PTPRG: variants seen among roughly 807,000 people sequenced by gnomAD.
PTPRG encodes the protein protein tyrosine phosphatase receptor type G.
PTPRG carries 102 observed loss-of-function variants against 165.3 expected under a neutral mutation model. That is an observed-to-expected ratio of 0.62 (90% CI 0.53 to 0.73). The LOEUF (loss-of-function observed/expected upper bound fraction) is 0.73, where lower values mean the gene tolerates loss of function less well. Ranked by LOEUF, PTPRG falls within the 30% of genes least tolerant of loss-of-function variation. PTPRG has a pLI of 0.00. For missense variants in PTPRG, 1,866 were observed against 1,861.4 expected, an observed-to-expected ratio of 1.00 and a Z score of -0.05; for synonymous variants, 675 against 669.5, an observed-to-expected ratio of 1.01 and a Z score of -0.13.
intron 6 of PTPRG, among the ~76,000 whole-genome samples, chr3:62,136,813 C>A (rs1703725829): frequency 6.6e-6 from 1 of 152,208 alleles, no homozygotes; most frequent in Non-Finnish European, 1.5e-5. Flanking sequence ...TCCCCAGTCA[C>A]GTGGAACTGT....
At chr3:61,802,182 T>G (rs764879998) in intron 2 of PTPRG, among the ~76,000 whole-genome samples, 29 of 152,094 alleles carry the variant, frequency 1.9e-4, no homozygotes, top group Non-Finnish European at 3.5e-4. Context: ...AAATGGAAAT[T>G]ATCAGTAATA....
rs538781598 is a variant in PTPRG at position 61,623,114 on chromosome 3, C to T, written c.85+60742C>T. Among the ~76,000 whole-genome samples the T allele has an allele frequency of 3.6e-4, 55 of 152,252 alleles. 1 individual carries two copies. In the South Asian group the frequency reaches 5.6e-3, roughly 16 times the overall value. ...AAACAATAGAATGGATTATGACTGA[C>T]ATGAGCCAACACTTGGATTTGGAAG... On this transcript the variant is annotated intron_variant, in intron 1 of 29. Coordinates refer to ENST00000474889, the MANE Select transcript of PTPRG (RefSeq NM_002841.4).
chr3:61,989,569 C>A, intron 2 of PTPRG, 56 bp from the exon 3 acceptor site: 1 of 1,524,488 alleles, frequency 6.6e-7, no homozygotes, highest in South Asian at 1.3e-5. Flanking sequence ...AAGATTTATT[C>A]ATTTCATCCC....
chr3:61,897,358 T>A (rs1157771557), intron 2 of PTPRG, among the ~76,000 whole-genome samples: 1 of 152,146 alleles, frequency 6.6e-6, no homozygotes, highest in Non-Finnish European at 1.5e-5. Context: ...AGGGTATTCT[T>A]CCATTAATTT....
intron 2 of PTPRG, among the ~76,000 whole-genome samples, chr3:61,936,866 A>C (rs1442427750): frequency 6.6e-6 from 1 of 152,244 alleles, no homozygotes; most frequent in Non-Finnish European, 1.5e-5. Context: ...CTGCGAAAAC[A>C]TCCCCTTATA....
chr3:61,884,764 G>A (rs548118617), intron 2 of PTPRG, among the ~76,000 whole-genome samples: 2 of 152,192 alleles, frequency 1.3e-5, no homozygotes, highest in South Asian at 2.1e-4. Context: ...CAAGGGCCTC[G>A]TCTCTTCTTG....
chr3:62,105,295 T>C lies in PTPRG; in HGVS notation c.615+27037T>C, dbSNP rs79152203. Among the ~76,000 whole-genome samples the C allele has an allele frequency of 6.4e-4, 98 of 152,332 alleles. 1 individual carries two copies. The highest frequency in any genetic ancestry group is 2.2e-3 in the African/African-American group (92 of 41,584). ...TAGCAGGAGTAGCCAAATAGCTATA[T>C]TAATGTTCTGGTGTGTGATCTGAGT... On this transcript the variant is annotated intron_variant, in intron 5 of 29. Transcript: ENST00000474889.
At chr3:61,632,412 AG>A (rs1701794650) in intron 1 of PTPRG, among the ~76,000 whole-genome samples, 1 of 152,234 alleles carries the variant, frequency 6.6e-6, no homozygotes, top group Non-Finnish European at 1.5e-5. Context: ...TGAGTATGAA[AG>A]CAGGTTGACA....
At chr3:62,231,824 T>A (rs1700909350) in intron 14 of PTPRG, among the ~76,000 whole-genome samples, 2 of 149,484 alleles carry the variant, frequency 1.3e-5, no homozygotes. Flanking sequence ...GTGAAGTTGT[T>A]TTTTTTTTTT....
chr3:62,017,589 G>GTA (rs1400248457), intron 4 of PTPRG, among the ~76,000 whole-genome samples: 2 of 73,468 alleles, frequency 2.7e-5, no homozygotes, highest in African/African-American at 4.3e-5. Flanking sequence ...CTAATTTTTT[G>GTA]TATTTTTTTT....
chr3:61,855,073 T>A (rs572285807), intron 2 of PTPRG, among the ~76,000 whole-genome samples: 1 of 152,212 alleles, frequency 6.6e-6, no homozygotes, highest in Non-Finnish European at 1.5e-5. Flanking sequence ...ACGCAGTTAC[T>A]GAGTGGTTCT....
chr3:62,168,701 G>T lies in PTPRG; in HGVS notation c.1033+538G>T, dbSNP rs1467016456. 5.9e-5 allele frequency among the ~76,000 whole-genome samples: 9 copies of T among 152,136 alleles called. No individual in the cohort carries two copies. In the East Asian group the frequency reaches 1.5e-3, roughly 26 times the overall value. On this transcript the variant is annotated intron_variant, in intron 8 of 29. Coordinates refer to ENST00000474889, the MANE Select transcript of PTPRG (RefSeq NM_002841.4). ...GAGCTCCTTGGGGCTCTGGCACTAG[G>T]GTTATGTGTCTGTGACTCCTGAAGC...
Position 61,681,982 on chromosome 3 carries a change from G to A in PTPRG, c.86-66896G>A, listed in dbSNP as rs552577001. Among the ~76,000 whole-genome samples, 70 of 151,684 alleles carry A rather than the reference G, an allele frequency of 4.6e-4. 1 individual carries two copies. The highest frequency in any genetic ancestry group is 1.5e-3 in the African/African-American group (61 of 41,378). On this transcript the variant is annotated intron_variant, in intron 1 of 29. Transcript: ENST00000474889. ...CTGGCCAACATAGTGAAAACTTTTCGCTACTAAAAATACAAAAATTAGCCA... is the reference window on the plus strand; with the variant it reads ...CTGGCCAACATAGTGAAAACTTTTCACTACTAAAAATACAAAAATTAGCCA...
intron 26 of PTPRG, among the ~76,000 whole-genome samples, chr3:62,280,065 C>G (rs1702375628): frequency 6.6e-6 from 1 of 152,062 alleles, no homozygotes; most frequent in Admixed American, 6.6e-5. Context: ...GCCTGCATAT[C>G]TATTTTTAAT....
At chr3:61,877,959 G>A (rs541050389) in intron 2 of PTPRG, among the ~76,000 whole-genome samples, 2 of 152,226 alleles carry the variant, frequency 1.3e-5, no homozygotes, top group African/African-American at 4.8e-5. Flanking sequence ...TTAGCTCCTC[G>A]CACAATAGAG....
chr3:61,562,626 G>A (rs1293349914), intron 1 of PTPRG, among the ~76,000 whole-genome samples: 2 of 151,772 alleles, frequency 1.3e-5, no homozygotes, highest in Non-Finnish European at 2.9e-5. Flanking sequence ...GTCTGCTCCC[G>A]CTCCCTTTTG....
chr3:62,267,518 C>T (rs1225612537), intron 18 of PTPRG, 26 bp downstream of exon 18: 6 of 1,577,680 alleles, frequency 3.8e-6, no homozygotes, highest in Non-Finnish European at 5.2e-6. Context: ...TATTATAAAC[C>T]TGTTTCTAGA....
intron 6 of PTPRG, among the ~76,000 whole-genome samples, chr3:62,149,386 G>T (rs1020076746): frequency 2.0e-5 from 3 of 149,984 alleles, no homozygotes; most frequent in African/African-American, 7.4e-5. Context: ...CGATTTTCCT[G>T]CCCCAGCCTC....
chr3:61,964,661 T>C (rs971855953), intron 2 of PTPRG, among the ~76,000 whole-genome samples: 4 of 152,206 alleles, frequency 2.6e-5, no homozygotes, highest in African/African-American at 9.6e-5. Flanking sequence ...CTCTTGTCTT[T>C]ATTGCCTTCA....
Sources: gnomAD v4.1 joint callset for allele counts (sites outside exome capture counted in the v4.1 genomes callset) on GRCh38, gnomAD v4.1.1 for gene constraint, MANE v1.5 for transcripts, NCBI Gene and HGNC (gene_info 2026-07-23, HGNC 2026-07-21) for gene names.